The following ACTR3B variants were observed in gnomAD, a reference collection of about 807,000 sequenced individuals.
ACTR3B encodes the protein actin related protein 3B, also known as actin-related protein 3B.
A neutral mutation model predicts 59.0 loss-of-function variants in ACTR3B; 8 were observed. That is an observed-to-expected ratio of 0.14 (90% CI 0.08 to 0.24). The LOEUF (loss-of-function observed/expected upper bound fraction) is 0.24, where lower values mean the gene tolerates loss of function less well. ACTR3B is among the 10% of genes least tolerant of loss of function. The pLI is 1.00. For synonymous variants in ACTR3B, 148 were observed against 197.9 expected, an observed-to-expected ratio of 0.75 and a Z score of 2.12; for missense variants, 245 against 552.3, an observed-to-expected ratio of 0.44 and a Z score of 5.58.
At chr7:152,784,000 G>A (rs1384451554) in intron 2 of ACTR3B, among the ~76,000 whole-genome samples, 1 of 152,000 alleles carries the variant, frequency 6.6e-6, no homozygotes, top group East Asian at 1.9e-4. Flanking sequence ...TGAGGCAGGA[G>A]AATCACTTGA....
chr7:152,829,950 G>A (rs1796896078), intron 9 of ACTR3B, among the ~76,000 whole-genome samples: 1 of 152,206 alleles, frequency 6.6e-6, no homozygotes. Context: ...GGGGATTTAA[G>A]TATGTACGAG....
chr7:152,767,691 G>C lies in ACTR3B; in HGVS notation c.44+7765G>C, dbSNP rs1014673453. ...TTAGGAATATTGTGGTGTTTCTGCA[G>C]GTAGATTTCTTGTTAACTTTATGTA... is the stretch of plus-strand genomic sequence containing the variant. On this transcript the variant is annotated intron_variant, in intron 1 of 11. Coordinates refer to ENST00000256001, the MANE Select transcript of ACTR3B (RefSeq NM_020445.6). Among the ~76,000 whole-genome samples, 159 of 152,218 alleles carry C rather than the reference G, an allele frequency of 1.0e-3. 3 individuals are homozygous for C. Among genetic ancestry groups the C allele is most frequent in the Non-Finnish European group, 4.0e-4 (27 of 68,024 alleles).
At chr7:152,842,650 C>T (rs767385727) in intron 9 of ACTR3B, among the ~76,000 whole-genome samples, 1 of 152,154 alleles carries the variant, frequency 6.6e-6, no homozygotes, top group Admixed American at 6.5e-5. Flanking sequence ...AGAGCCTCAG[C>T]GAGCGGCTGT....
intron 4 of ACTR3B, chr7:152,811,459 A>G (rs1041798899): frequency 3.9e-5 from 6 of 152,070 alleles, no homozygotes; most frequent in Non-Finnish European, 1.5e-5. Flanking sequence ...CACATCTCTT[A>G]ATCGGACTGG....
At chr7:152,803,216 T>A (rs898138071) in intron 4 of ACTR3B, among the ~76,000 whole-genome samples, 2 of 152,184 alleles carry the variant, frequency 1.3e-5, no homozygotes, top group African/African-American at 4.8e-5. Context: ...GGCTAATTTT[T>A]AAAAATTTTT....
chr7:152,763,763 G>A, intron 1 of ACTR3B, among the ~76,000 whole-genome samples: 1 of 152,166 alleles, frequency 6.6e-6, no homozygotes, highest in Non-Finnish European at 1.5e-5. Context: ...TATGGTGATG[G>A]TTGCAAAATG....
At chr7:152,810,615 G>A (rs1795149846) in intron 4 of ACTR3B, 1 of 151,216 alleles carries the variant, frequency 6.6e-6, no homozygotes, top group African/African-American at 2.4e-5. Flanking sequence ...TTTAAAAATA[G>A]TTTTTGGCCT....
chr7:152,818,677 G>A (rs1320407765), intron 6 of ACTR3B, among the ~76,000 whole-genome samples: 1 of 152,200 alleles, frequency 6.6e-6, no homozygotes, highest in East Asian at 1.9e-4. Context: ...TCAAACTGCC[G>A]ACCTCAGGTG....
intron 10 of ACTR3B, among the ~76,000 whole-genome samples, chr7:152,853,134 T>TA (rs141793272): frequency 0.039 from 5,849 of 151,908 alleles, 129 homozygotes; most frequent in East Asian, 0.08. Context: ...TGGTTAATCT[T>TA]ATTTGGGATG....
chr7:152,796,989 A>T (rs1398409108), intron 2 of ACTR3B, among the ~76,000 whole-genome samples: 3 of 144,940 alleles, frequency 2.1e-5, no homozygotes, highest in African/African-American at 5.2e-5. Context: ...AAGTGCTGGG[A>T]TTACAGGTGT....
At chr7:152,801,366 A>T (rs1446059099) in intron 3 of ACTR3B, among the ~76,000 whole-genome samples, 1 of 152,212 alleles carries the variant, frequency 6.6e-6, no homozygotes, top group Non-Finnish European at 1.5e-5. Context: ...GGCGTGAGCC[A>T]CTGTGCCTGG....
intron 1 of ACTR3B, among the ~76,000 whole-genome samples, chr7:152,772,926 G>A (rs1429905528): frequency 2.6e-5 from 4 of 151,552 alleles, no homozygotes; most frequent in Non-Finnish European, 5.9e-5. Flanking sequence ...GCTGGGGAGT[G>A]GGAGATACCA....
At chr7:152,844,684 T>G (rs1438220070) in intron 9 of ACTR3B, among the ~76,000 whole-genome samples, 1 of 151,302 alleles carries the variant, frequency 6.6e-6, no homozygotes, top group Non-Finnish European at 1.5e-5. Flanking sequence ...TGAAGTTTTC[T>G]GAGGATAAAT....
At position 152,775,214 on chromosome 7, in the gene ACTR3B, AAAG is replaced by A. The variant is rs1253484410; in HGVS notation, c.45-7971_45-7969del. ...TCAAAAAAAAAAAAAAAAAAAAAAA[AAAG>A]ATGTAAAACACTGTTTTAAGATGTA... On this transcript the variant is annotated intron_variant, in intron 1 of 11. Coordinates refer to ENST00000256001, the MANE Select transcript of ACTR3B (RefSeq NM_020445.6). Among the ~76,000 whole-genome samples the A allele has an allele frequency of 1.3e-4, 19 of 151,712 alleles. 1 individual carries two copies. The highest frequency in any genetic ancestry group is 4.6e-4 in the African/African-American group (19 of 41,380).
chr7:152,818,538 C>T (rs935457462), intron 6 of ACTR3B, among the ~76,000 whole-genome samples: 48 of 152,180 alleles, frequency 3.2e-4, no homozygotes, highest in African/African-American at 4.6e-4. Context: ...GCAACCTCTG[C>T]CTCCCAGGTT....
intron 9 of ACTR3B, among the ~76,000 whole-genome samples, chr7:152,834,145 C>T (rs917048741): frequency 2.7e-5 from 4 of 150,744 alleles, no homozygotes; most frequent in Non-Finnish European, 4.4e-5. Context: ...CCTTTGTAGT[C>T]GCTGTTTTTG....
chr7:152,842,806 G>C (rs1797971264), intron 9 of ACTR3B, among the ~76,000 whole-genome samples: 1 of 152,214 alleles, frequency 6.6e-6, no homozygotes, highest in African/African-American at 2.4e-5. Context: ...CAGGAGTGCA[G>C]TTGCTTTGTT....
chr7:152,777,576 A>G (rs2098139205), intron 1 of ACTR3B, among the ~76,000 whole-genome samples: 1 of 152,170 alleles, frequency 6.6e-6, no homozygotes, highest in Admixed American at 6.5e-5. Context: ...TCATTTAGTA[A>G]CTGGTCATCT....
At chr7:152,810,412 T>TG (rs964953380) in intron 4 of ACTR3B, among the ~76,000 whole-genome samples, 3 of 91,874 alleles carry the variant, frequency 3.3e-5, no homozygotes, top group African/African-American at 1.2e-4. Flanking sequence ...CAGCCTGTTT[T>TG]TTTTTTTTTT....
Sources: gnomAD v4.1 joint callset for allele counts (sites outside exome capture counted in the v4.1 genomes callset) on GRCh38, gnomAD v4.1.1 for gene constraint, MANE v1.5 for transcripts, NCBI Gene and HGNC (gene_info 2026-07-23, HGNC 2026-07-21) for gene names.